The following NRXN3 variants were observed in gnomAD, a reference collection of about 807,000 sequenced individuals.
The protein encoded by NRXN3 is neurexin III.
A neutral mutation model predicts 137.6 loss-of-function variants in NRXN3; 32 were observed. The observed-to-expected ratio is 0.23, with a 90% confidence interval of 0.18 to 0.31. The LOEUF is 0.31. Ranked by LOEUF, NRXN3 falls within the 10% of genes least tolerant of loss-of-function variation. The pLI, the probability that NRXN3 is intolerant of heterozygous loss-of-function variation, is 1.00. For synonymous variants in NRXN3, 798 were observed against 784.5 expected (o/e 1.02, Z -0.29); for missense variants, 1,574 against 2,062.5 (o/e 0.76, Z 4.59).
intron 16 of NRXN3, among the ~76,000 whole-genome samples, chr14:79,497,981 C>A (rs2096783522): frequency 6.6e-6 from 1 of 152,082 alleles, no homozygotes; most frequent in Non-Finnish European, 1.5e-5. Flanking sequence ...TTGTGGTGAG[C>A]CGAGATCATG....
intron 8 of NRXN3, among the ~76,000 whole-genome samples, chr14:78,764,721 T>C (rs2152984019): frequency 6.6e-6 from 1 of 152,282 alleles, no homozygotes; most frequent in South Asian, 2.1e-4. Context: ...CGTGGTCATT[T>C]CCTGAATGTA....
intron 15 of NRXN3, among the ~76,000 whole-genome samples, chr14:79,405,567 C>T (rs758907862): frequency 2.6e-5 from 4 of 152,102 alleles, no homozygotes; most frequent in Non-Finnish European, 4.4e-5. Context: ...AGACTGATAC[C>T]ACAGTCAATC....
chr14:78,621,644 A>G (rs1042435429), intron 4 of NRXN3, among the ~76,000 whole-genome samples: 1 of 152,194 alleles, frequency 6.6e-6, no homozygotes, highest in East Asian at 1.9e-4. Context: ...CTTTTGCCCA[A>G]TTAGGAGGCA....
At chr14:78,349,593 C>T (rs978470516) in intron 4 of NRXN3, among the ~76,000 whole-genome samples, 4 of 152,162 alleles carry the variant, frequency 2.6e-5, no homozygotes, top group East Asian at 1.9e-4. Context: ...CAATTACATG[C>T]GGTCTAGTTA....
intron 4 of NRXN3, among the ~76,000 whole-genome samples, chr14:78,636,755 A>G (rs1258970448): frequency 6.6e-6 from 1 of 152,160 alleles, no homozygotes; most frequent in African/African-American, 2.4e-5. Flanking sequence ...TATACAGTAC[A>G]TTACATAAAT....
At position 79,131,903 on chromosome 14, in the gene NRXN3, G is replaced by A. The variant is rs189706149; in HGVS notation, c.3262+143762G>A. On this transcript the variant is annotated intron_variant, in intron 15 of 20. Transcript: ENST00000335750. ...TGGTGTGCCGTTTTTTAAGCCTGTC[G>A]GAAAAACACAGTATTCGGGTGGGAG... Among the ~76,000 whole-genome samples the A allele has an allele frequency of 1.3e-3, 203 of 152,336 alleles. No individual in the cohort carries two copies. In the Middle Eastern group the frequency reaches 0.014, roughly 10 times the overall value.
At chr14:79,446,512 A>C (rs1415008440) in intron 15 of NRXN3, among the ~76,000 whole-genome samples, 1 of 152,206 alleles carries the variant, frequency 6.6e-6, no homozygotes, top group South Asian at 2.1e-4. Flanking sequence ...CCACATAAAA[A>C]TATAAAAACT....
At chr14:79,460,143 CT>C (rs1422927419) in intron 15 of NRXN3, among the ~76,000 whole-genome samples, 2 of 152,084 alleles carry the variant, frequency 1.3e-5, no homozygotes, top group African/African-American at 2.4e-5. Flanking sequence ...TTTAGTCAAA[CT>C]TTCTGGGAGT....
At chr14:78,507,468 G>A (rs1313259949) in intron 4 of NRXN3, among the ~76,000 whole-genome samples, 1 of 152,172 alleles carries the variant, frequency 6.6e-6, no homozygotes, top group African/African-American at 2.4e-5. Context: ...TTTCTCCAAA[G>A]GTTAGTCCCA....
In NRXN3 at chr14:79,655,360, A is replaced by G. The variant is rs113969704; in HGVS notation, c.3445-8418A>G. Among the ~76,000 whole-genome samples the G allele has an allele frequency of 1.0e-3, 159 of 152,272 alleles. 1 individual carries two copies. The highest frequency in any genetic ancestry group is 3.6e-3 in the African/African-American group (151 of 41,536). On this transcript the variant is annotated intron_variant, in intron 16 of 20. Transcript: ENST00000335750. ...GTGGGCATTTGACAGAGTAGGGGAC[A>G]GTCGGAGAGCTTATCGATACATACT...
At chr14:78,364,699 A>G (rs1489326546) in intron 4 of NRXN3, among the ~76,000 whole-genome samples, 1 of 152,150 alleles carries the variant, frequency 6.6e-6, no homozygotes, top group Middle Eastern at 3.2e-3. Context: ...AGGTAAATGG[A>G]TTTATGTGTT....
intron 18 of NRXN3, among the ~76,000 whole-genome samples, chr14:79,697,154 T>G (rs1291983647): frequency 1.3e-5 from 2 of 151,998 alleles, no homozygotes; most frequent in Non-Finnish European, 2.9e-5. Flanking sequence ...CTAATTTAAT[T>G]ATCAGACCTG....
intron 10 of NRXN3, among the ~76,000 whole-genome samples, chr14:78,858,824 C>A (rs2099064588): frequency 6.6e-6 from 1 of 152,124 alleles, no homozygotes; most frequent in Non-Finnish European, 1.5e-5. Context: ...AATATGTGAG[C>A]TCATTTTCTT....
chr14:78,619,066 G>T (rs751343207), intron 4 of NRXN3, among the ~76,000 whole-genome samples: 5 of 152,164 alleles, frequency 3.3e-5, no homozygotes, highest in Non-Finnish European at 7.3e-5. Context: ...CCCTTGAGGA[G>T]TTCCATCAGG....
chr14:79,711,674 A>G (rs1360248702), intron 19 of NRXN3, among the ~76,000 whole-genome samples: 1 of 152,182 alleles, frequency 6.6e-6, no homozygotes, highest in African/African-American at 2.4e-5. Context: ...TTTGGGGAAA[A>G]GGCATCACCT....
chr14:79,213,142 C>T (rs1486418797), intron 15 of NRXN3, among the ~76,000 whole-genome samples: 1 of 152,040 alleles, frequency 6.6e-6, no homozygotes, highest in Non-Finnish European at 1.5e-5. Flanking sequence ...TTTTCTTCCC[C>T]ACCTCCATTT....
rs1452865114 is a variant in NRXN3, at chr14:79,706,544, G to GTT, written c.4014+8607_4014+8608insTT. ...CCACAAGAGGCCTCTGAGGAGGAAA[G>GTT]CCTCCTAAATGCCATCATGTTCCCA... On this transcript the variant is annotated intron_variant, in intron 19 of 20. Coordinates refer to ENST00000335750, the MANE Select transcript of NRXN3 (RefSeq NM_001330195.2). Among the ~76,000 whole-genome samples the GTT allele has an allele frequency of 6.7e-5, 10 of 150,244 alleles. No homozygotes were observed. The East Asian group carries it at 1.6e-3, about 24-fold the overall frequency.
chr14:78,389,537 TTTA>T (rs1448799686), intron 4 of NRXN3, among the ~76,000 whole-genome samples: 1 of 152,248 alleles, frequency 6.6e-6, no homozygotes, highest in African/African-American at 2.4e-5. Flanking sequence ...TCCTTTTAAA[TTTA>T]TTGTTATATA....
intron 10 of NRXN3, among the ~76,000 whole-genome samples, chr14:78,864,175 C>T (rs2099080456): frequency 6.6e-6 from 1 of 152,212 alleles, no homozygotes; most frequent in South Asian, 2.1e-4. Flanking sequence ...ATGTACTTCA[C>T]CTCTGTATTT....
Sources: allele counts gnomAD v4.1 joint callset (sites outside exome capture counted in the v4.1 genomes callset), GRCh38; gene constraint gnomAD v4.1.1; transcripts MANE v1.5; gene names NCBI Gene and HGNC (gene_info 2026-07-23, HGNC 2026-07-21).